Variants in ADAM12 observed in about 807,000 individuals in gnomAD.
The protein encoded by ADAM12 is ADAM metallopeptidase domain 12.
In ADAM12, 70 loss-of-function variants were observed where a neutral mutation model predicts 106.4. The ratio of observed to expected loss-of-function variants is 0.66; its 90% CI spans 0.54 to 0.80. The LOEUF (loss-of-function observed/expected upper bound fraction) is 0.80, where lower values mean the gene tolerates loss of function less well. Among genes scored for constraint, ADAM12 ranks in the 30% least tolerant of loss-of-function variants. The probability of loss-of-function intolerance (pLI) is 0.00; values close to 1 mark genes in which losing one functional copy is unlikely to be tolerated. For missense variants in ADAM12, 1,010 were observed against 1,171.9 expected (o/e 0.86, Z 2.02); for synonymous variants, 420 against 433.5 (o/e 0.97, Z 0.39).
At chr10:126,244,513 T>C (rs1365866853) in intron 3 of ADAM12, among the ~76,000 whole-genome samples, 1 of 152,196 alleles carries the variant, frequency 6.6e-6, no homozygotes, top group African/African-American at 2.4e-5. Flanking sequence ...GGGATCATGG[T>C]AGACATGGTG....
chr10:126,368,004 T>A (rs748271542), intron 1 of ADAM12, among the ~76,000 whole-genome samples: 2 of 151,770 alleles, frequency 1.3e-5, no homozygotes, highest in Non-Finnish European at 3.0e-5. Context: ...AAAACAGACA[T>A]AAAATCCTTA....
At chr10:126,223,073 T>C (rs1046972380) in intron 3 of ADAM12, among the ~76,000 whole-genome samples, 3 of 152,212 alleles carry the variant, frequency 2.0e-5, no homozygotes, top group Non-Finnish European at 4.4e-5. Flanking sequence ...TATTCAAACA[T>C]GAAAAATAGT....
At chr10:126,117,614 C>T (rs1398434212) in intron 6 of ADAM12, among the ~76,000 whole-genome samples, 1 of 151,996 alleles carries the variant, frequency 6.6e-6, no homozygotes, top group Non-Finnish European at 1.5e-5. Flanking sequence ...TAGTCTTTCA[C>T]CTCCAGTAGA....
rs150438786 is a variant in ADAM12 at position 126,182,279 on chromosome 10, G to C, written c.261-26974C>G. Among the ~76,000 whole-genome samples the C allele has an allele frequency of 3.9e-3, 593 of 152,276 alleles. 3 individuals are homozygous for C. The highest frequency in any genetic ancestry group is 7.0e-3 in the Non-Finnish European group (475 of 68,016). On this transcript the variant is annotated intron_variant, in intron 3 of 22. Coordinates refer to ENST00000448723, the MANE Select transcript of ADAM12 (RefSeq NM_001288973.2). Reference sequence around the variant, plus strand: ...AGGGCCAGATATCTATCACAGCACAGCATACTTATTTGCAGTATCTAAGAC... The same window carrying C: ...AGGGCCAGATATCTATCACAGCACACCATACTTATTTGCAGTATCTAAGAC...
At chr10:126,380,207 G>T (rs11244971) in intron 1 of ADAM12, among the ~76,000 whole-genome samples, 1 of 152,020 alleles carries the variant, frequency 6.6e-6, no homozygotes, top group East Asian at 1.9e-4. Flanking sequence ...AAAAGAAACA[G>T]GGTGAAAAAT....
At position 126,034,734 on chromosome 10, in the gene ADAM12, G is replaced by C. The variant is rs138851250; in HGVS notation, c.2529+1412C>G. Among the ~76,000 whole-genome samples the C allele has an allele frequency of 3.6e-3, 551 of 152,170 alleles. 5 individuals are homozygous for C. The highest frequency in any genetic ancestry group is 0.013 in the African/African-American group (529 of 41,512). ...AAATTCATACTTTGCTTTTTATCCT[G>C]TTTTTAGAAGTAACCATTTCTGTTT... On this transcript the variant is annotated intron_variant, in intron 21 of 22. Coordinates refer to ENST00000448723, the MANE Select transcript of ADAM12 (RefSeq NM_001288973.2).
At chr10:126,173,477 C>T (rs1304587957) in intron 3 of ADAM12, among the ~76,000 whole-genome samples, 1 of 152,106 alleles carries the variant, frequency 6.6e-6, no homozygotes, top group African/African-American at 2.4e-5. Flanking sequence ...TATCCCTGGC[C>T]TCCACCCCCA....
intron 3 of ADAM12, among the ~76,000 whole-genome samples, chr10:126,237,502 C>T (rs73382693): frequency 0.06 from 9,083 of 152,206 alleles, 914 homozygotes; most frequent in African/African-American, 0.21. Context: ...CAGATATCTT[C>T]ACTGGAAACA....
intron 3 of ADAM12, among the ~76,000 whole-genome samples, chr10:126,243,263 A>C (rs890739792): frequency 6.6e-6 from 1 of 152,304 alleles, no homozygotes; most frequent in African/African-American, 2.4e-5. Context: ...CAGATGTCTT[A>C]TGTCTGACTC....
intron 4 of ADAM12, among the ~76,000 whole-genome samples, chr10:126,135,987 C>T (rs1956398328): frequency 6.6e-6 from 1 of 152,146 alleles, no homozygotes; most frequent in African/African-American, 2.4e-5. Context: ...GCCATTTTAC[C>T]CTCATGTAAA....
At chr10:126,140,692 G>T (rs1956492862) in intron 4 of ADAM12, among the ~76,000 whole-genome samples, 1 of 152,196 alleles carries the variant, frequency 6.6e-6, no homozygotes, top group Non-Finnish European at 1.5e-5. Context: ...CCAAGGCAAT[G>T]ACAATTTCGT....
chr10:126,245,715 A>G (rs1191030536), intron 3 of ADAM12, among the ~76,000 whole-genome samples: 2 of 152,200 alleles, frequency 1.3e-5, no homozygotes, highest in Non-Finnish European at 2.9e-5. Flanking sequence ...CATGGGAGTC[A>G]GGGCAGGGGG....
At chr10:126,268,069 A>G (rs1222674569) in intron 3 of ADAM12, among the ~76,000 whole-genome samples, 4 of 152,176 alleles carry the variant, frequency 2.6e-5, no homozygotes, top group Non-Finnish European at 4.4e-5. Flanking sequence ...ATCCATCTCC[A>G]TAAGTCTTTC....
intron 16 of ADAM12, among the ~76,000 whole-genome samples, chr10:126,048,962 C>T (rs866948510): frequency 1.3e-5 from 2 of 152,128 alleles, no homozygotes; most frequent in Admixed American, 6.6e-5. Context: ...ATAGAATATG[C>T]GATTGTATTT....
chr10:126,199,525 C>T (rs1429792795), intron 3 of ADAM12, among the ~76,000 whole-genome samples: 1 of 152,162 alleles, frequency 6.6e-6, no homozygotes, highest in African/African-American at 2.4e-5. Context: ...TCCCATAAAC[C>T]TCTGCTCATC....
chr10:126,251,922 TGGATA>T (rs1958782208), intron 3 of ADAM12, among the ~76,000 whole-genome samples: 1 of 63,864 alleles, frequency 1.6e-5, no homozygotes, highest in African/African-American at 5.1e-5. Context: ...ATGGATGGGA[TGGATA>T]GGATGGATGG....
At chr10:126,223,627 G>T (rs1011616659) in intron 3 of ADAM12, among the ~76,000 whole-genome samples, 1 of 152,224 alleles carries the variant, frequency 6.6e-6, no homozygotes, top group Non-Finnish European at 1.5e-5. Flanking sequence ...TCTATAGTAC[G>T]AGAAGAGCAG....
At position 126,177,255 on chromosome 10, in the gene ADAM12, G is replaced by GA. The variant is rs951191447; in HGVS notation, c.261-21951dup. Among the ~76,000 whole-genome samples the GA allele has an allele frequency of 5.3e-3, 756 of 143,396 alleles. 3 individuals are homozygous for GA. The highest frequency in any genetic ancestry group is 0.015 in the African/African-American group (575 of 39,366). The allele number at this position is 143,396 out of a possible 152,430, so 94.1% of individuals were successfully genotyped here. A position where few individuals can be genotyped will look rare whatever the true frequency, so the allele number is the denominator to read the frequency against. On this transcript the variant is annotated intron_variant, in intron 3 of 22. Transcript: ENST00000448723. Reference sequence around the variant, plus strand: ...AGAAGATAACATTAGATTGTAAATGGAAAAAAAAAAAGCAATGAGATGAGA... The same window carrying GA: ...AGAAGATAACATTAGATTGTAAATGGAAAAAAAAAAAAGCAATGAGATGAGA...
At chr10:126,320,380 C>T (rs764242253) in intron 2 of ADAM12, among the ~76,000 whole-genome samples, 33 of 152,058 alleles carry the variant, frequency 2.2e-4, no homozygotes, top group African/African-American at 7.0e-4. Context: ...TGTAGTCAAG[C>T]GTTGTTTTAA....
Sources: allele counts gnomAD v4.1 joint callset (sites outside exome capture counted in the v4.1 genomes callset), GRCh38; gene constraint gnomAD v4.1.1; transcripts MANE v1.5; gene names NCBI Gene and HGNC (gene_info 2026-07-23, HGNC 2026-07-21).